Variants in MMD2 observed in about 807,000 individuals in gnomAD.
MMD2 encodes the protein monocyte to macrophage differentiation factor 2.
In MMD2, 30 loss-of-function variants were observed where a neutral mutation model predicts 33.5. The observed-to-expected ratio is 0.90, with a 90% confidence interval of 0.67 to 1.22. The LOEUF (loss-of-function observed/expected upper bound fraction) is 1.22. MMD2 is among the 50% of genes most tolerant of loss of function. The pLI is 0.00. For missense variants in MMD2, 364 were observed against 325.4 expected (o/e 1.12, Z -0.91); for synonymous variants, 129 against 123.0 (o/e 1.05, Z -0.32).
the MMD2 span, among the ~76,000 whole-genome samples, chr7:4,895,580 C>T: frequency 1.3e-5 from 2 of 151,694 alleles, no homozygotes; most frequent in Admixed American, 6.6e-5. Flanking sequence ...TCTGTCACCC[C>T]AGCTGGAGTG....
In MMD2 at chr7:4,920,258, G is replaced by C. The variant is rs376833733; in HGVS notation, c.203C>G (p.Ser68Cys). ...GAGGCCGAGGCCGTAGATCCAGGCA[G>C]AGATGGTCTCCCAGTCATCGTCCGA... ...FLSDDDWETI[S>C]AWIYGLGLCG... Residue 68 changes from serine (S) to cysteine (C), a missense_variant, in exon 3 of 7, where the codon TCT becomes TGT. Coordinates refer to ENST00000401401, the MANE Select transcript of MMD2 (RefSeq NM_198403.4). The C allele has an allele frequency of 1.2e-5, 20 of 1,603,896 alleles. No homozygotes were observed. Among genetic ancestry groups the C allele is most frequent in the Non-Finnish European group, 1.5e-5 (18 of 1,175,802 alleles).
intron 1 of MMD2, among the ~76,000 whole-genome samples, chr7:4,928,648 C>A (rs1785494892): frequency 6.6e-6 from 1 of 151,026 alleles, no homozygotes; most frequent in African/African-American, 2.4e-5. Context: ...AAGTGCAGCT[C>A]ATGGAGCATT....
At chr7:4,955,591 C>G (rs1006959721) in intron 1 of MMD2, among the ~76,000 whole-genome samples, 5 of 152,144 alleles carry the variant, frequency 3.3e-5, no homozygotes, top group Non-Finnish European at 7.3e-5. Context: ...TGTAAAATAT[C>G]TCCTAAATAA....
chr7:4,908,739 A>C (rs192554767), intron 6 of MMD2, among the ~76,000 whole-genome samples: 2,194 of 151,876 alleles, frequency 0.014, 27 homozygotes, highest in Non-Finnish European at 0.021. Flanking sequence ...TCTACTAAAA[A>C]TACAATAATT....
chr7:4,923,963 C>T (rs181175112), intron 2 of MMD2, among the ~76,000 whole-genome samples: 2 of 152,184 alleles, frequency 1.3e-5, no homozygotes, highest in Admixed American at 1.3e-4. Flanking sequence ...GAGGCCAAGG[C>T]GGGTGGATCA....
chr7:4,954,418 A>T (rs1786330268), intron 1 of MMD2, among the ~76,000 whole-genome samples: 1 of 150,996 alleles, frequency 6.6e-6, no homozygotes, highest in African/African-American at 2.4e-5. Flanking sequence ...CAGAAACTTA[A>T]TTTTTTTTTC....
chr7:4,948,715 T>G (rs1382538660), intron 1 of MMD2, among the ~76,000 whole-genome samples: 1 of 152,190 alleles, frequency 6.6e-6, no homozygotes, highest in Non-Finnish European at 1.5e-5. Flanking sequence ...ATCTACCACC[T>G]GGGAACAAAT....
intron 6 of MMD2, chr7:4,909,636 A>T: frequency 1.5e-6 from 1 of 683,594 alleles, no homozygotes; most frequent in Non-Finnish European, 2.7e-6. Context: ...GGGTCTTGCT[A>T]TGTTGCCCAG....
intron 6 of MMD2, among the ~76,000 whole-genome samples, chr7:4,908,566 A>G (rs1288984288): frequency 6.6e-6 from 1 of 152,148 alleles, no homozygotes; most frequent in Non-Finnish European, 1.5e-5. Flanking sequence ...CAAAAGGTGG[A>G]GGCAACCCAG....
chr7:4,935,166 A>G (rs1219982919), intron 1 of MMD2, among the ~76,000 whole-genome samples: 1 of 151,946 alleles, frequency 6.6e-6, no homozygotes, highest in Non-Finnish European at 1.5e-5. Flanking sequence ...AGCCTGGGAG[A>G]CAGAGCGAGA....
chr7:4,930,258 C>T (rs1434111647), intron 1 of MMD2, among the ~76,000 whole-genome samples: 1 of 105,140 alleles, frequency 9.5e-6, no homozygotes, highest in Non-Finnish European at 1.8e-5. Flanking sequence ...GGAGACAGAA[C>T]AAGACTCCAT....
Position 4,925,673 on chromosome 7 carries a change from C to A in MMD2, c.48-141G>T, listed in dbSNP as rs1479639301. 8 of 513,772 alleles carry A rather than the reference C, an allele frequency of 1.6e-5. No homozygotes were observed. In the Admixed American group the frequency reaches 2.9e-4, roughly 19 times the overall value. The allele number at this position is 513,772 out of a possible 1,614,324, so 31.8% of individuals were successfully genotyped here. On this transcript the variant is annotated intron_variant, in intron 1 of 6. Coordinates refer to ENST00000401401, the MANE Select transcript of MMD2 (RefSeq NM_198403.4). The stretch of plus-strand genomic sequence containing the variant: ...CTCCCTTTTTCATCTCCCCCTCTCT[C>A]TCTGTCTTCTTCCTCCCCTCCCTCA...
At chr7:4,920,419 C>T (rs984522796) in intron 2 of MMD2, 88 bp from the exon 3 acceptor site, 31 of 1,358,334 alleles carry the variant, frequency 2.3e-5, no homozygotes, top group Non-Finnish European at 2.9e-5. Context: ...AGCTGCCCAA[C>T]GTGGCAGCAC....
At chr7:4,952,644 T>C (rs1037368455) in intron 1 of MMD2, among the ~76,000 whole-genome samples, 2 of 152,070 alleles carry the variant, frequency 1.3e-5, no homozygotes, top group Non-Finnish European at 2.9e-5. Flanking sequence ...TGAACCCTAT[T>C]GTGAACTGCA....
chr7:4,949,770 G>A (rs922397393), intron 1 of MMD2, among the ~76,000 whole-genome samples: 1 of 152,094 alleles, frequency 6.6e-6, no homozygotes, highest in African/African-American at 2.4e-5. Context: ...CCAAAGTGCT[G>A]GGATTACAGG....
rs368654690 is a variant in MMD2 at position 4,917,727 on chromosome 7, T to A, written c.291-1648A>T. 3.3e-5 allele frequency among the ~76,000 whole-genome samples: 5 copies of A among 151,186 alleles called. No individual in the cohort carries two copies. In the South Asian group the frequency reaches 8.4e-4, roughly 26 times the overall value. On this transcript the variant is annotated intron_variant, in intron 3 of 6. Coordinates refer to ENST00000401401, the MANE Select transcript of MMD2 (RefSeq NM_198403.4). ...ATAAAAAATAGATAAATAATAAAAA[T>A]AAATAAATAAACACCAACCATTTTT...
chr7:4,936,211 A>T (rs917341380), intron 1 of MMD2, among the ~76,000 whole-genome samples: 1 of 151,890 alleles, frequency 6.6e-6, no homozygotes, highest in African/African-American at 2.4e-5. Context: ...GGAAAAAAAA[A>T]TGTAAAGTGT....
intron 1 of MMD2, among the ~76,000 whole-genome samples, chr7:4,953,065 C>A (rs1422466068): frequency 6.6e-6 from 1 of 151,860 alleles, no homozygotes; most frequent in African/African-American, 2.4e-5. Context: ...GTCTCAAACT[C>A]CTGGCCTCAA....
At chr7:4,954,476 A>C (rs1786332396) in intron 1 of MMD2, among the ~76,000 whole-genome samples, 1 of 151,320 alleles carries the variant, frequency 6.6e-6, no homozygotes, top group African/African-American at 2.4e-5. Flanking sequence ...GGAGTGCAGG[A>C]GCTCAGTCTC....
Sources: gnomAD v4.1 joint callset for allele counts (sites outside exome capture counted in the v4.1 genomes callset) on GRCh38, gnomAD v4.1.1 for gene constraint, MANE v1.5 for transcripts, NCBI Gene and HGNC (gene_info 2026-07-23, HGNC 2026-07-21) for gene names.